The following NBPF26 variants were observed in gnomAD, a reference collection of about 807,000 sequenced individuals.
NBPF26 encodes NBPF family member NBPF26.
Under a neutral mutation model 119.6 loss-of-function variants are expected in NBPF26, and 79 were observed. That is an observed-to-expected ratio of 0.66 (90% CI 0.55 to 0.80). The LOEUF (loss-of-function observed/expected upper bound fraction) is 0.80. Among genes scored for constraint, NBPF26 ranks in the 30% least tolerant of loss-of-function variants. NBPF26 has a pLI of 0.00. For missense variants in NBPF26, 800 were observed against 1,198.2 expected, an observed-to-expected ratio of 0.67 and a Z score of 4.91; for synonymous variants, 299 against 457.7, an observed-to-expected ratio of 0.65 and a Z score of 4.43.
At position 120,816,857 on chromosome 1, in the gene NBPF26, C is replaced by A; in HGVS notation, c.2371+30C>A. On this transcript the variant is annotated intron_variant, in intron 14 of 29. Transcript: ENST00000620612. Reference sequence around the variant, plus strand: ...CCTCTGTTTTCCTTGTGTCTCATACCTCTTTCTTGGCTGAGGAAGATAAAC... The same window carrying A: ...CCTCTGTTTTCCTTGTGTCTCATACATCTTTCTTGGCTGAGGAAGATAAAC... The A allele has an allele frequency of 7.6e-6, 11 of 1,450,644 alleles. 3 individuals carry two copies. The highest frequency in any genetic ancestry group is 9.2e-6 in the Non-Finnish European group (10 of 1,083,100). The allele number at this position is 1,450,644 out of a possible 1,614,324, so 89.9% of individuals were successfully genotyped here.
intron 4 of NBPF26, among the ~76,000 whole-genome samples, chr1:120,802,265 G>A (rs1651591379): frequency 7.9e-6 from 1 of 126,054 alleles, no homozygotes; most frequent in African/African-American, 3.8e-5. Flanking sequence ...CTGTAAGGAG[G>A]ACGATGAACT....
Position 120,818,689 on chromosome 1 carries a change from T to C in NBPF26, c.2423+515T>C, listed in dbSNP as rs1472259596. ...GAGATTCTGGTATGTTGTATCTTTG[T>C]TCTCATTGGTTTCAAAGAACATCTT... On this transcript the variant is annotated intron_variant, in intron 15 of 29. Transcript: ENST00000620612. 3.2e-5 allele frequency among the ~76,000 whole-genome samples: 4 copies of C among 125,062 alleles called. 2 individuals carry two copies. The highest frequency in any genetic ancestry group is 1.5e-4 in the African/African-American group (4 of 26,506). The allele number at this position is 125,062 out of a possible 152,430, so 82.0% of individuals were successfully genotyped here.
chr1:120,781,895 C>G (rs1401500196), intron 2 of NBPF26, among the ~76,000 whole-genome samples: 1 of 113,068 alleles, frequency 8.8e-6, no homozygotes, highest in East Asian at 2.1e-4. Context: ...CTTCGAGTTC[C>G]TCATATATAA....
chr1:120,821,806 T>A (rs1439737096), intron 15 of NBPF26, among the ~76,000 whole-genome samples: 1 of 105,570 alleles, frequency 9.5e-6, no homozygotes, highest in Non-Finnish European at 1.8e-5. Flanking sequence ...GTTGAAGCCC[T>A]GTGTCAGTTC....
rs1426738776 is a variant in NBPF26 at position 120,804,757 on chromosome 1, A to G, written c.752-799A>G. ...CAAACTGGTCTAGAATGTAATGAAA[A>G]CCCAAGAAGGTGCCCCAGTAAGAAA... is the stretch of plus-strand genomic sequence containing the variant. On this transcript the variant is annotated intron_variant, in intron 4 of 29. Transcript: ENST00000620612. 3.4e-5 allele frequency among the ~76,000 whole-genome samples: 4 copies of G among 116,876 alleles called. 1 individual carries two copies. The highest frequency in any genetic ancestry group is 3.3e-4 in the Admixed American group (4 of 12,220). 76.7% of individuals were successfully genotyped at this position (116,876 alleles called of 152,430 possible). A position where few individuals can be genotyped will look rare whatever the true frequency, so the allele number is the denominator to read the frequency against.
exon 5 of NBPF26, chr1:120,805,651 A>G (rs1651663831): frequency 1.4e-6 from 2 of 1,460,714 alleles, no homozygotes; most frequent in Non-Finnish European, 1.9e-6. Flanking sequence ...TCTAGAAATC[A>G]ACGAGACATT....
chr1:120,839,731 C>T, exon 29 of NBPF26: 1 of 61,144 alleles, frequency 1.6e-5, no homozygotes, highest in Non-Finnish European at 3.1e-5. Context: ...CAAAACCCAC[C>T]ATGCCCCAGG....
chr1:120,777,916 A>G lies in NBPF26; in HGVS notation c.156-7058A>G, dbSNP rs1651316510. On this transcript the variant is annotated intron_variant, in intron 2 of 29. Transcript: ENST00000620612. ...GGGAGACCAGTGAGTTTAGACCAAT[A>G]GGTGGGTTAGGCCTCCTGAATGCCA... 2.1e-5 allele frequency among the ~76,000 whole-genome samples: 2 copies of G among 96,930 alleles called. 1 individual carries two copies. The highest frequency in any genetic ancestry group is 3.7e-5 in the Non-Finnish European group (2 of 53,376). 63.6% of individuals were successfully genotyped at this position (96,930 alleles called of 152,430 possible).
chr1:120,823,109 A>G (rs1652156872), intron 16 of NBPF26, among the ~76,000 whole-genome samples, 200 bp from the exon 17 acceptor site: 1 of 115,764 alleles, frequency 8.6e-6, no homozygotes, highest in Non-Finnish European at 1.7e-5. Flanking sequence ...ACACAGGGGA[A>G]TTTTGCCCAA....
intron 1 of NBPF26, among the ~76,000 whole-genome samples, chr1:120,726,566 AC>A (rs1650816837): frequency 2.2e-5 from 2 of 90,628 alleles, no homozygotes; most frequent in Non-Finnish European, 4.1e-5. Context: ...GCTATCCAGG[AC>A]CATCCTCTTG....
chr1:120,816,501 C>G (rs1372423188), intron 13 of NBPF26, 121 bp from the exon 14 acceptor site: 1 of 489,224 alleles, frequency 2.0e-6, no homozygotes. Flanking sequence ...TAATGGGAAC[C>G]TCCATTTTGC....
In NBPF26 at chr1:120,840,518, G is replaced by A. The variant is rs1553273538; in HGVS notation, c.4272G>A (p.Val1424=). The change falls in exon 30 of 30, where the codon GTG becomes GTA. Residue 1424 remains valine, a synonymous_variant. Coordinates refer to ENST00000620612, the Ensembl canonical transcript of NBPF26. Reference sequence around the variant, plus strand: ...AGCATATCAGCTTCGCCCTTTACGTGGACAATAGGTTTTTTACTTTGACGG... The same window carrying A: ...AGCATATCAGCTTCGCCCTTTACGTAGACAATAGGTTTTTTACTTTGACGG... 128 of 1,474,152 alleles carry A rather than the reference G, an allele frequency of 8.7e-5. 24 individuals carry two copies. The highest frequency in any genetic ancestry group is 1.5e-4 in the Admixed American group (8 of 54,964). 91.3% of individuals were successfully genotyped at this position (1,474,152 alleles called of 1,614,324 possible).
At chr1:120,760,154 T>C (rs1484085069) in intron 1 of NBPF26, among the ~76,000 whole-genome samples, 1 of 74,150 alleles carries the variant, frequency 1.3e-5, no homozygotes, top group African/African-American at 1.3e-4. Flanking sequence ...GGTTGAATAG[T>C]ATTCCATTGT....
Position 120,823,923 on chromosome 1 carries a change from G to A in NBPF26, c.2640-51G>A, listed in dbSNP as rs1571045377. 19 of 511,542 alleles carry A rather than the reference G, an allele frequency of 3.7e-5. 1 individual carries two copies. The East Asian group carries it at 5.9e-4, about 16-fold the overall frequency. 31.7% of individuals were successfully genotyped at this position (511,542 alleles called of 1,614,324 possible). ...AGCCATGAAATCTAGCTGGGGCTGTGTGGTTTCTGATTCCCCCTGGCTTAT... is the reference window on the plus strand; with the variant it reads ...AGCCATGAAATCTAGCTGGGGCTGTATGGTTTCTGATTCCCCCTGGCTTAT... On this transcript the variant is annotated intron_variant, in intron 17 of 29. Transcript: ENST00000620612.
rs1467135869 is a variant in NBPF26, at chr1:120,784,874, C to A, written c.156-100C>A. 3.6e-5 allele frequency: 38 copies of A among 1,043,044 alleles called. 7 individuals are homozygous for A. The highest frequency in any genetic ancestry group is 4.6e-5 in the Non-Finnish European group (34 of 733,772). 64.6% of individuals were successfully genotyped at this position (1,043,044 alleles called of 1,614,324 possible). A position where few individuals can be genotyped will look rare whatever the true frequency, so the allele number is the denominator to read the frequency against. ...TGGTACTTGTAGGTCTGTTGATTCA[C>A]AATCTCGTGCTTTCTTGATTGGACT... On this transcript the variant is annotated intron_variant, in intron 2 of 29. Coordinates refer to ENST00000620612, the Ensembl canonical transcript of NBPF26.
chr1:120,793,093 G>T, intron 3 of NBPF26, 68 bp from the exon 4 acceptor site: 1 of 694,382 alleles, frequency 1.4e-6, no homozygotes. Flanking sequence ...TGATGTCAAT[G>T]AGGTATTGAG....
exon 30 of NBPF26, chr1:120,840,570 A>T: frequency 1.4e-6 from 2 of 1,465,072 alleles, no homozygotes; most frequent in Non-Finnish European, 9.2e-7. Context: ...GGTGTTCCAG[A>T]TGGGAGTCAT....
chr1:120,742,338 T>C (rs1650948007), intron 1 of NBPF26, among the ~76,000 whole-genome samples: 1 of 32,456 alleles, frequency 3.1e-5, no homozygotes, highest in South Asian at 9.7e-4. Context: ...TGTGTGTGTG[T>C]GTGTGTGTGT....
rs1651478492 is a variant in NBPF26 at position 120,790,568 on chromosome 1, CTTT to C, written c.416-2592_416-2590del. Reference sequence around the variant, plus strand: ...TCTTTCTTTCTTTCTTTCTTTCTTTCTTTCTTTCTTTCTTTCTTTCTTTCTCTT... The same window carrying C: ...TCTTTCTTTCTTTCTTTCTTTCTTTCCTTTCTTTCTTTCTTTCTTTCTCTT... On this transcript the variant is annotated intron_variant, in intron 3 of 29. Coordinates refer to ENST00000620612, the Ensembl canonical transcript of NBPF26. Among the ~76,000 whole-genome samples, 2 of 103,216 alleles carry C rather than the reference CTTT, an allele frequency of 1.9e-5. 1 individual carries two copies. The highest frequency in any genetic ancestry group is 3.6e-5 in the Non-Finnish European group (2 of 56,054). 67.7% of individuals were successfully genotyped at this position (103,216 alleles called of 152,430 possible). A position where few individuals can be genotyped will look rare whatever the true frequency, so the allele number is the denominator to read the frequency against.
Sources: allele counts gnomAD v4.1 joint callset (sites outside exome capture counted in the v4.1 genomes callset), GRCh38; gene constraint gnomAD v4.1.1; transcripts MANE v1.5; gene names NCBI Gene and HGNC (gene_info 2026-07-23, HGNC 2026-07-21).